The following CCSER1 variants were observed in gnomAD, a reference collection of about 807,000 sequenced individuals.
CCSER1 encodes coiled-coil serine rich protein 1.
Under a neutral mutation model 82.0 loss-of-function variants are expected in CCSER1, and 41 were observed. The observed-to-expected ratio is 0.50, with a 90% CI of 0.39 to 0.65. The LOEUF is 0.65. Among genes scored for constraint, CCSER1 ranks in the 30% least tolerant of loss-of-function variants. The pLI is 0.00. For missense variants in CCSER1, 1,119 were observed against 1,064.2 expected (o/e 1.05, Z -0.72); for synonymous variants, 414 against 383.9 (o/e 1.08, Z -0.92).
At chr4:91,160,334 T>G (rs1365789061) in intron 10 of CCSER1, among the ~76,000 whole-genome samples, 1 of 152,326 alleles carries the variant, frequency 6.6e-6, no homozygotes, top group Admixed American at 6.5e-5. Flanking sequence ...TTTGCTATTG[T>G]GAATAGTGCC....
intron 9 of CCSER1, among the ~76,000 whole-genome samples, chr4:91,005,033 C>T (rs1298147111): frequency 6.6e-6 from 1 of 152,126 alleles, no homozygotes; most frequent in Non-Finnish European, 1.5e-5. Context: ...CAGCATTGTC[C>T]TGGACATCCC....
chr4:91,178,225 C>T (rs966229283), intron 10 of CCSER1, among the ~76,000 whole-genome samples: 10 of 152,070 alleles, frequency 6.6e-5, no homozygotes, highest in Admixed American at 2.6e-4. Flanking sequence ...AGTGCTTTAC[C>T]TCCAACTATG....
chr4:90,416,227 T>A (rs962670021), intron 4 of CCSER1, among the ~76,000 whole-genome samples: 1 of 152,184 alleles, frequency 6.6e-6, no homozygotes. Context: ...TTAAAATTCA[T>A]AAAGTTAAAA....
chr4:90,353,487 A>G (rs1450950906), intron 3 of CCSER1, among the ~76,000 whole-genome samples: 1 of 152,220 alleles, frequency 6.6e-6, no homozygotes, highest in African/African-American at 2.4e-5. Context: ...ATAAACTCTG[A>G]AAATGATGGA....
At chr4:91,262,090 AAAAAGT>A (rs1553918157) in intron 10 of CCSER1, among the ~76,000 whole-genome samples, 1 of 152,152 alleles carries the variant, frequency 6.6e-6, no homozygotes, top group Non-Finnish European at 1.5e-5. Context: ...AATAATATAT[AAAAAGT>A]ACTTATAAGT....
At chr4:90,781,508 T>A in intron 7 of CCSER1, 1 of 985,058 alleles carries the variant, frequency 1.0e-6, no homozygotes, top group Non-Finnish European at 1.2e-6. Flanking sequence ...CTTCTCTTAT[T>A]TGATTAGATG....
intron 9 of CCSER1, among the ~76,000 whole-genome samples, chr4:90,930,810 T>G (rs1729654836): frequency 6.6e-6 from 1 of 150,772 alleles, no homozygotes; most frequent in South Asian, 2.1e-4. Flanking sequence ...TAAAGTAAAT[T>G]TTTGTGGACT....
chr4:90,151,121 C>T (rs1280908583), intron 1 of CCSER1, among the ~76,000 whole-genome samples: 2 of 151,968 alleles, frequency 1.3e-5, no homozygotes, highest in Admixed American at 6.6e-5. Context: ...CTAAAGTCCT[C>T]CTATCACTGA....
intron 9 of CCSER1, among the ~76,000 whole-genome samples, chr4:91,085,027 T>C (rs1034017920): frequency 6.6e-6 from 1 of 151,998 alleles, no homozygotes; most frequent in African/African-American, 2.4e-5. Flanking sequence ...ATAACAACAG[T>C]AATAGTATCT....
intron 10 of CCSER1, among the ~76,000 whole-genome samples, chr4:91,395,406 A>G (rs1286196697): frequency 1.3e-5 from 2 of 152,022 alleles, no homozygotes; most frequent in Non-Finnish European, 2.9e-5. Context: ...GAAGGAGTGT[A>G]AGTTTAACTA....
intron 10 of CCSER1, among the ~76,000 whole-genome samples, chr4:91,305,752 G>A (rs140657786): frequency 6.6e-6 from 1 of 151,530 alleles, no homozygotes; most frequent in Admixed American, 6.6e-5. Context: ...AAGAAAAAGA[G>A]GTTCAATGGA....
intron 9 of CCSER1, among the ~76,000 whole-genome samples, chr4:90,961,366 A>G (rs562961488): frequency 2.0e-4 from 31 of 152,314 alleles, no homozygotes; most frequent in Admixed American, 6.5e-4. Context: ...GCTCAATTCA[A>G]GGACCAAAAA....
At chr4:91,452,124 T>A (rs1016679220) in intron 10 of CCSER1, among the ~76,000 whole-genome samples, 1 of 151,996 alleles carries the variant, frequency 6.6e-6, no homozygotes, top group African/African-American at 2.4e-5. Flanking sequence ...GTAACTTCTA[T>A]GGCAGGAGTC....
Position 90,917,730 on chromosome 4 carries a change from A to T in CCSER1, c.2095-5640A>T, listed in dbSNP as rs182554906. On this transcript the variant is annotated intron_variant, in intron 8 of 10. Transcript: ENST00000509176. The stretch of plus-strand genomic sequence containing the variant: ...AGTGATTAAAGAAAATAAACACCTA[A>T]AAAAAATCTTTTATTATTGACATTG... 7.8e-3 allele frequency among the ~76,000 whole-genome samples: 1,184 copies of T among 152,136 alleles called. 11 individuals carry two copies. The highest frequency in any genetic ancestry group is 0.028 in the African/African-American group (1,151 of 41,520).
chr4:90,472,290 C>T (rs987799240), intron 5 of CCSER1, among the ~76,000 whole-genome samples: 1 of 152,028 alleles, frequency 6.6e-6, no homozygotes, highest in Non-Finnish European at 1.5e-5. Context: ...AATTACATCA[C>T]TTTAGAAGGT....
At chr4:90,572,988 G>A (rs1046806173) in intron 5 of CCSER1, among the ~76,000 whole-genome samples, 1 of 152,230 alleles carries the variant, frequency 6.6e-6, no homozygotes, top group African/African-American at 2.4e-5. Context: ...AAGCCCTGAG[G>A]TATATGTGGC....
chr4:90,392,740 T>A (rs1291932124), intron 3 of CCSER1, among the ~76,000 whole-genome samples: 2 of 152,202 alleles, frequency 1.3e-5, no homozygotes, highest in African/African-American at 4.8e-5. Flanking sequence ...TCATGAAAGA[T>A]GTATTTTGAG....
At chr4:91,375,908 AT>A (rs1317164350) in intron 10 of CCSER1, among the ~76,000 whole-genome samples, 1 of 152,144 alleles carries the variant, frequency 6.6e-6, no homozygotes, top group Non-Finnish European at 1.5e-5. Context: ...AAATTAGTCT[AT>A]TCAAAGTTAG....
intron 3 of CCSER1, among the ~76,000 whole-genome samples, chr4:90,320,463 C>G (rs1193709906): frequency 3.9e-5 from 6 of 152,054 alleles, no homozygotes. Flanking sequence ...AGTGGAAGCA[C>G]AATTTATTTT....
Sources: allele counts gnomAD v4.1 joint callset (sites outside exome capture counted in the v4.1 genomes callset), GRCh38; gene constraint gnomAD v4.1.1; transcripts MANE v1.5; gene names NCBI Gene and HGNC (gene_info 2026-07-23, HGNC 2026-07-21).